Variants in IL23R observed in about 807,000 individuals in gnomAD.
IL23R encodes the protein interleukin-23 receptor.
IL23R carries 34 observed loss-of-function variants against 56.9 expected under a neutral mutation model. The observed-to-expected ratio is 0.60, with a 90% CI of 0.45 to 0.80. The LOEUF (loss-of-function observed/expected upper bound fraction) is 0.80. Among genes scored for constraint, IL23R ranks in the 30% least tolerant of loss-of-function variants. IL23R has a pLI of 0.00. For synonymous variants in IL23R, 230 were observed against 249.2 expected (o/e 0.92, Z 0.73); for missense variants, 635 against 730.0 (o/e 0.87, Z 1.50).
At chr1:67,225,337 T>G (rs1317995888) in intron 7 of IL23R, among the ~76,000 whole-genome samples, 1 of 152,072 alleles carries the variant, frequency 6.6e-6, no homozygotes, top group Non-Finnish European at 1.5e-5. Flanking sequence ...TCTGATAGGA[T>G]AGGTAAGGAA....
chr1:67,154,329 G>A (rs1430254538), intron 1 of IL23R, among the ~76,000 whole-genome samples: 5 of 152,078 alleles, frequency 3.3e-5, no homozygotes, highest in East Asian at 1.9e-4. Context: ...TCTCTGTCTC[G>A]TTGATCTGTC....
At chr1:67,175,553 T>C (rs1289628103) in intron 3 of IL23R, among the ~76,000 whole-genome samples, 3 of 152,204 alleles carry the variant, frequency 2.0e-5, no homozygotes, top group Non-Finnish European at 2.9e-5. Flanking sequence ...AGTTTGACTC[T>C]TCCAGATACC....
intron 1 of IL23R, among the ~76,000 whole-genome samples, chr1:67,158,046 T>A (rs1646783913): frequency 6.6e-6 from 1 of 151,996 alleles, no homozygotes; most frequent in African/African-American, 2.4e-5. Flanking sequence ...TGAAACCCCA[T>A]CTCTACTAAA....
intron 4 of IL23R, among the ~76,000 whole-genome samples, chr1:67,194,862 C>T (rs753596167): frequency 3.9e-5 from 6 of 152,112 alleles, no homozygotes; most frequent in Non-Finnish European, 7.4e-5. Context: ...AAGGTATTTA[C>T]GTTTCATCTT....
At chr1:67,226,666 C>T (rs1433179600) in intron 7 of IL23R, among the ~76,000 whole-genome samples, 1 of 152,168 alleles carries the variant, frequency 6.6e-6, no homozygotes, top group African/African-American at 2.4e-5. Flanking sequence ...AACAAGAATG[C>T]CTGCTTCTAT....
chr1:67,230,171 T>A (rs1570895003), intron 7 of IL23R, among the ~76,000 whole-genome samples: 2 of 152,222 alleles, frequency 1.3e-5, no homozygotes, highest in South Asian at 4.1e-4. Context: ...AAGTGGTTTC[T>A]GGAAGCCCTA....
At chr1:67,228,169 T>G (rs188333271) in intron 7 of IL23R, among the ~76,000 whole-genome samples, 4 of 128,410 alleles carry the variant, frequency 3.1e-5, no homozygotes, top group Non-Finnish European at 4.8e-5. Flanking sequence ...CTTCCTTCCT[T>G]CCTTCCTTCC....
intron 4 of IL23R, among the ~76,000 whole-genome samples, chr1:67,188,778 G>A (rs1647534949): frequency 6.6e-6 from 1 of 152,108 alleles, no homozygotes. Flanking sequence ...AAGGGGCCAG[G>A]CAGCTCCCTT....
chr1:67,167,944 C>G, intron 1 of IL23R, 148 bp from the exon 2 acceptor site: 1 of 560,854 alleles, frequency 1.8e-6, no homozygotes. Flanking sequence ...GCTCTGTTTC[C>G]TTCCTTCCTT....
intron 5 of IL23R, among the ~76,000 whole-genome samples, chr1:67,204,003 T>TA: frequency 6.6e-6 from 1 of 152,238 alleles, no homozygotes; most frequent in Non-Finnish European, 1.5e-5. Context: ...AAGGCTATAA[T>TA]CTCGCTTTTA....
intron 7 of IL23R, among the ~76,000 whole-genome samples, chr1:67,220,906 GC>G (rs1650197208): frequency 6.6e-6 from 1 of 152,238 alleles, no homozygotes; most frequent in Admixed American, 6.5e-5. Flanking sequence ...GCTAGCTGAG[GC>G]AGGAGGATCA....
intron 1 of IL23R, among the ~76,000 whole-genome samples, chr1:67,156,899 C>T (rs140390874): frequency 3.9e-5 from 6 of 152,094 alleles, no homozygotes; most frequent in East Asian, 3.9e-4. Context: ...CTCAAACAGC[C>T]GCCAAGTTTT....
intron 9 of IL23R, among the ~76,000 whole-genome samples, chr1:67,246,039 G>A (rs1652198350): frequency 6.6e-6 from 1 of 152,184 alleles, no homozygotes; most frequent in African/African-American, 2.4e-5. Flanking sequence ...TTAGTGTTGG[G>A]AAGGTGTATG....
chr1:67,160,577 T>C (rs1264567389), intron 1 of IL23R, among the ~76,000 whole-genome samples: 1 of 152,228 alleles, frequency 6.6e-6, no homozygotes, highest in Non-Finnish European at 1.5e-5. Flanking sequence ...TTACAATCAC[T>C]ATTAGAATGC....
intron 7 of IL23R, among the ~76,000 whole-genome samples, chr1:67,229,862 C>T (rs1442031570): frequency 6.6e-6 from 1 of 152,214 alleles, no homozygotes; most frequent in Non-Finnish European, 1.5e-5. Flanking sequence ...TCCCCAACCA[C>T]TACCACCAAT....
intron 5 of IL23R, among the ~76,000 whole-genome samples, chr1:67,205,834 GAGA>G (rs1490496094): frequency 1.3e-5 from 2 of 152,002 alleles, no homozygotes; most frequent in Non-Finnish European, 2.9e-5. Flanking sequence ...ACAAGAGAAG[GAGA>G]AGATTATTGT....
intron 1 of IL23R, among the ~76,000 whole-genome samples, chr1:67,146,751 AAGATGTTCAACATGTCC>A (rs1432707838): frequency 6.6e-6 from 1 of 152,234 alleles, no homozygotes; most frequent in African/African-American, 2.4e-5. Context: ...GACCGAAACC[AAGATGTTCAACATGTCC>A]AGACAAGTAA....
intron 9 of IL23R, among the ~76,000 whole-genome samples, chr1:67,244,720 T>C (rs1164158218): frequency 1.3e-5 from 2 of 152,212 alleles, no homozygotes; most frequent in Admixed American, 6.5e-5. Context: ...TGTAACCTTG[T>C]AGTATAGTTT....
chr1:67,190,576 C>T (rs2102601782), intron 4 of IL23R, among the ~76,000 whole-genome samples: 2 of 152,234 alleles, frequency 1.3e-5, no homozygotes, highest in Middle Eastern at 6.8e-3. Flanking sequence ...GTATTCTACT[C>T]CATAAATATT....
Sources: allele counts gnomAD v4.1 joint callset (sites outside exome capture counted in the v4.1 genomes callset), GRCh38; gene constraint gnomAD v4.1.1; transcripts MANE v1.5; gene names NCBI Gene and HGNC (gene_info 2026-07-23, HGNC 2026-07-21).